Variants in ADAMTS19 observed in about 807,000 individuals in gnomAD.
ADAMTS19 encodes the protein A disintegrin and metalloproteinase with thrombospondin motifs 19.
Under a neutral mutation model 153.3 loss-of-function variants are expected in ADAMTS19, and 93 were observed. That is an observed-to-expected ratio of 0.61 (90% CI 0.51 to 0.72). The LOEUF is 0.72. Among genes scored for constraint, ADAMTS19 ranks in the 30% least tolerant of loss-of-function variants. The pLI is 0.00. For synonymous variants in ADAMTS19, 600 were observed against 556.6 expected, an observed-to-expected ratio of 1.08 and a Z score of -1.10; for missense variants, 1,482 against 1,552.1, an observed-to-expected ratio of 0.95 and a Z score of 0.76.
intron 2 of ADAMTS19, among the ~76,000 whole-genome samples, chr5:129,489,609 T>A (rs986992374): frequency 2.0e-5 from 3 of 152,150 alleles, no homozygotes; most frequent in Non-Finnish European, 4.4e-5. Flanking sequence ...TTTTTTAAAA[T>A]GTTCATTACT....
Position 129,460,365 on chromosome 5 carries a change from G to A in ADAMTS19, c.-27G>A, listed in dbSNP as rs1749603151. 19 of 1,603,366 alleles carry A rather than the reference G, an allele frequency of 1.2e-5. No homozygotes were observed. The East Asian group carries it at 4.0e-4, about 34-fold the overall frequency. ...ATCGCGCTGGAGGCGTGCGCCGGGC[G>A]AGAAGCCGCGGCCGCGGGAGCGCAG... On this transcript the variant is annotated 5_prime_UTR_variant, in exon 1 of 23. Transcript: ENST00000274487.
intron 15 of ADAMTS19, 129 bp downstream of exon 15, chr5:129,658,866 T>G: frequency 9.5e-7 from 1 of 1,055,364 alleles, no homozygotes. Context: ...TTAAATTATT[T>G]TTGTGATGAC....
chr5:129,691,626 A>T lies in ADAMTS19; in HGVS notation c.2819-3094A>T, dbSNP rs181234773. Among the ~76,000 whole-genome samples, 3 of 152,172 alleles carry T rather than the reference A, an allele frequency of 2.0e-5. 1 individual carries two copies. Among genetic ancestry groups the T allele is most frequent in the East Asian group, 1.9e-4 (1 of 5,186 alleles). ...GAGCAATGAGTTTTTTTCTAATTCT[A>T]TTGTTTTTGTTCAATGAAATTTTTA... is the stretch of plus-strand genomic sequence containing the variant. On this transcript the variant is annotated intron_variant, in intron 18 of 22. Transcript: ENST00000274487.
chr5:129,508,947 T>C, intron 2 of ADAMTS19, 130 bp from the exon 3 acceptor site: 1 of 610,024 alleles, frequency 1.6e-6, no homozygotes, highest in African/African-American at 1.9e-5. Context: ...GCTAGTGGGG[T>C]TGCTAAGTTA....
intron 14 of ADAMTS19, among the ~76,000 whole-genome samples, chr5:129,658,347 A>AAGAAAGAGAGAGAGAGAGAGAGAGAG (rs1753665183): frequency 6.9e-5 from 8 of 116,052 alleles, no homozygotes; most frequent in African/African-American, 2.6e-4. Context: ...GAAAGAAAGA[A>AAGAAAGAGAGAGAGAGAGAGAGAGAG]AGAAAGAAAG....
intron 2 of ADAMTS19, among the ~76,000 whole-genome samples, chr5:129,465,378 G>T (rs1443097352): frequency 8.1e-6 from 1 of 123,472 alleles, no homozygotes; most frequent in African/African-American, 4.1e-5. Flanking sequence ...GTATATACCT[G>T]GCCTATTTTT....
intron 21 of ADAMTS19, among the ~76,000 whole-genome samples, chr5:129,722,858 G>A (rs576149713): frequency 2.2e-4 from 33 of 152,194 alleles, no homozygotes; most frequent in African/African-American, 7.9e-4. Context: ...ATAGAAGAAA[G>A]GATTTCACAC....
intron 2 of ADAMTS19, among the ~76,000 whole-genome samples, chr5:129,504,155 A>G (rs914979283): frequency 1.7e-4 from 26 of 152,096 alleles, no homozygotes; most frequent in Non-Finnish European, 2.9e-5. Flanking sequence ...CAAACCAGAC[A>G]TCTTCCACCT....
chr5:129,723,973 G>C (rs1757107044), intron 21 of ADAMTS19, among the ~76,000 whole-genome samples: 1 of 152,214 alleles, frequency 6.6e-6, no homozygotes, highest in African/African-American at 2.4e-5. Flanking sequence ...TTTATTTAAA[G>C]ACCTGGAATC....
At chr5:129,539,102 G>A (rs568909848) in intron 6 of ADAMTS19, among the ~76,000 whole-genome samples, 13 of 152,110 alleles carry the variant, frequency 8.5e-5, no homozygotes, top group African/African-American at 3.1e-4. Context: ...TTTATTGTGG[G>A]AGGCAGAATA....
Position 129,694,871 on chromosome 5 carries a change from G to C in ADAMTS19, c.2954+16G>C. The C allele has an allele frequency of 6.4e-7, 1 of 1,562,124 alleles. No individual in the cohort carries two copies. Among genetic ancestry groups the C allele is most frequent in the Non-Finnish European group, 8.7e-7 (1 of 1,152,688 alleles). ...GTCAAACAAGGTAACTCTATTCCAA[G>C]GGCCCTTAAAGCATTATTTGTCCAT... On this transcript the variant is annotated intron_variant, in intron 19 of 22. Coordinates refer to ENST00000274487, the MANE Select transcript of ADAMTS19 (RefSeq NM_133638.6).
intron 10 of ADAMTS19, among the ~76,000 whole-genome samples, chr5:129,640,117 CAT>C (rs1371702424): frequency 6.6e-6 from 1 of 151,982 alleles, no homozygotes; most frequent in Non-Finnish European, 1.5e-5. Flanking sequence ...ATTTGTGTGA[CAT>C]ATTTTGAAGC....
intron 10 of ADAMTS19, among the ~76,000 whole-genome samples, chr5:129,632,349 A>C (rs962421343): frequency 2.0e-5 from 3 of 151,654 alleles, no homozygotes; most frequent in Non-Finnish European, 4.4e-5. Flanking sequence ...TAGTCATGAT[A>C]TATATATATA....
At chr5:129,483,258 C>T (rs1173310561) in intron 2 of ADAMTS19, among the ~76,000 whole-genome samples, 1 of 152,106 alleles carries the variant, frequency 6.6e-6, no homozygotes, top group Non-Finnish European at 1.5e-5. Flanking sequence ...AGCTGTGTTA[C>T]TTTGGATAAG....
chr5:129,647,715 T>A, intron 11 of ADAMTS19, 50 bp from the exon 12 acceptor site: 1 of 1,582,486 alleles, frequency 6.3e-7, no homozygotes, highest in Non-Finnish European at 8.6e-7. Context: ...CAGCGAATGA[T>A]TTTCAGTTGT....
At chr5:129,661,969 G>C (rs771070564) in intron 15 of ADAMTS19, among the ~76,000 whole-genome samples, 1 of 152,138 alleles carries the variant, frequency 6.6e-6, no homozygotes, top group South Asian at 2.1e-4. Context: ...GAAACAGACA[G>C]ACCTGAGTTC....
At chr5:129,596,846 C>T (rs1026076959) in intron 8 of ADAMTS19, among the ~76,000 whole-genome samples, 182 bp downstream of exon 8, 6 of 152,070 alleles carry the variant, frequency 3.9e-5, no homozygotes, top group African/African-American at 1.4e-4. Flanking sequence ...TGCAACTATT[C>T]CTGCTTCTTT....
At chr5:129,485,891 A>G (rs1750574004) in intron 2 of ADAMTS19, among the ~76,000 whole-genome samples, 2 of 152,028 alleles carry the variant, frequency 1.3e-5, no homozygotes, top group South Asian at 4.2e-4. Context: ...TCCAGGTTCA[A>G]GTGATTCTCC....
chr5:129,647,765 T>C lies in ADAMTS19; in HGVS notation c.1873T>C (p.Trp625Arg), dbSNP rs760701889. ...ACCTAAGACATAACTTTTGGAATAG[T>C]GGTGTAAGGCTGGAGAATGTACCAG... ...MDGTDCDLGK[W>R]CKAGECTSRT... The change falls in exon 12 of 23, where the codon TGG (tryptophan) becomes CGG (arginine). Residue 625 changes from tryptophan (W) to arginine (R), a missense_variant and splice_region_variant. Coordinates refer to ENST00000274487, the MANE Select transcript of ADAMTS19 (RefSeq NM_133638.6). 25 of 1,613,380 alleles carry C rather than the reference T, an allele frequency of 1.5e-5. No homozygotes were observed. Among genetic ancestry groups the C allele is most frequent in the Non-Finnish European group, 1.9e-5 (23 of 1,179,512 alleles).
Sources: allele counts gnomAD v4.1 joint callset (sites outside exome capture counted in the v4.1 genomes callset), GRCh38; gene constraint gnomAD v4.1.1; transcripts MANE v1.5; gene names NCBI Gene and HGNC (gene_info 2026-07-23, HGNC 2026-07-21).